SH3KBP1: variants seen among roughly 807,000 people sequenced by gnomAD.
SH3KBP1 encodes SH3 domain containing kinase binding protein 1.
In SH3KBP1, 8 loss-of-function variants were observed where a neutral mutation model predicts 50.1. That is an observed-to-expected ratio of 0.16 (90% confidence interval 0.09 to 0.29). SH3KBP1 has a LOEUF of 0.29. Among genes scored for constraint, SH3KBP1 ranks in the 10% least tolerant of loss-of-function variants. SH3KBP1 has a pLI of 1.00. For missense variants in SH3KBP1, 377 were observed against 535.2 expected (o/e 0.70, Z 2.92); for synonymous variants, 227 against 218.6 (o/e 1.04, Z -0.34).
chrX:19,587,316 C>T (rs1021644275), intron 12 of SH3KBP1, among the ~76,000 whole-genome samples: 4 of 108,939 alleles, frequency 3.7e-5, no homozygotes, highest in Admixed American at 9.8e-5. Flanking sequence ...AGTAGAATGG[C>T]GGCTGCCAGG....
At chrX:19,852,868 A>G (rs906636170) in intron 1 of SH3KBP1, among the ~76,000 whole-genome samples, 52 of 111,573 alleles carry the variant, frequency 4.7e-4, no homozygotes, top group African/African-American at 1.7e-3. Context: ...GCATGATCGG[A>G]GAGAAGTCAG....
At chrX:19,853,780 T>C (rs1473759063) in intron 1 of SH3KBP1, among the ~76,000 whole-genome samples, 1 of 110,588 alleles carries the variant, frequency 9.0e-6, no homozygotes, top group East Asian at 2.9e-4. Context: ...CTGGCCAACA[T>C]AGTGAAATCC....
intron 9 of SH3KBP1, among the ~76,000 whole-genome samples, chrX:19,607,462 C>T (rs1403624977): frequency 2.7e-5 from 3 of 112,018 alleles, no homozygotes; most frequent in Non-Finnish European, 3.8e-5. Context: ...TACTAATATA[C>T]GGATATGTGC....
chrX:19,572,470 CTA>C (rs907898140), intron 12 of SH3KBP1, among the ~76,000 whole-genome samples: 2 of 104,972 alleles, frequency 1.9e-5, no homozygotes, highest in African/African-American at 3.5e-5. Context: ...TACATATATA[CTA>C]TATATAGTAC....
Position 19,879,520 on chromosome X carries a change from C to T in SH3KBP1, c.4+7787G>A, listed in dbSNP as rs1217137062. Reference sequence around the variant, plus strand: ...AATATGTGAGTAGCAGAGGACCCATCGCCTGTCCCCCCACATAAAAGCACA... The same window carrying T: ...AATATGTGAGTAGCAGAGGACCCATTGCCTGTCCCCCCACATAAAAGCACA... On this transcript the variant is annotated intron_variant, in intron 1 of 17. Transcript: ENST00000397821. Among the ~76,000 whole-genome samples the T allele has an allele frequency of 5.4e-5, 6 of 111,582 alleles. No individual in the cohort carries two copies. The East Asian group carries it at 1.1e-3, about 21-fold the overall frequency.
chrX:19,639,293 A>G (rs1359167643), intron 7 of SH3KBP1, among the ~76,000 whole-genome samples: 2 of 111,821 alleles, frequency 1.8e-5, no homozygotes, highest in Non-Finnish European at 3.8e-5. Flanking sequence ...AAATTATTTC[A>G]CAAGTATGAA....
chrX:19,873,191 T>C (rs1375150536), intron 1 of SH3KBP1, among the ~76,000 whole-genome samples: 1 of 105,689 alleles, frequency 9.5e-6, no homozygotes, highest in African/African-American at 3.5e-5. Flanking sequence ...AATAGTTACA[T>C]AAATTAAGAT....
chrX:19,755,300 C>T (rs2065179474), intron 2 of SH3KBP1, among the ~76,000 whole-genome samples: 2 of 111,823 alleles, frequency 1.8e-5, no homozygotes, highest in South Asian at 7.4e-4. Flanking sequence ...ACCCAGGAGG[C>T]GGAGGTTGCA....
chrX:19,572,203 T>C (rs1470723410), intron 12 of SH3KBP1, among the ~76,000 whole-genome samples: 1 of 107,829 alleles, frequency 9.3e-6, no homozygotes, highest in African/African-American at 3.3e-5. Context: ...ATATATATGT[T>C]ATATATAGTA....
intron 5 of SH3KBP1, among the ~76,000 whole-genome samples, chrX:19,689,447 C>T (rs1036688712): frequency 8.9e-6 from 1 of 112,080 alleles, no homozygotes; most frequent in Non-Finnish European, 1.9e-5. Flanking sequence ...ACTAAAACTT[C>T]CATGTGTTCT....
At chrX:19,838,184 T>C (rs1015952280) in intron 1 of SH3KBP1, among the ~76,000 whole-genome samples, 3 of 112,449 alleles carry the variant, frequency 2.7e-5, no homozygotes, top group Non-Finnish European at 5.6e-5. Context: ...TCATTTTGTT[T>C]TAACTTTAAA....
intron 3 of SH3KBP1, among the ~76,000 whole-genome samples, chrX:19,727,716 T>TG (rs2064258828): frequency 8.9e-6 from 1 of 112,664 alleles, no homozygotes. Context: ...CCGGGCGTGG[T>TG]GGCTCATGCC....
chrX:19,699,544 G>A (rs1356958150), intron 4 of SH3KBP1, among the ~76,000 whole-genome samples: 1 of 111,850 alleles, frequency 8.9e-6, no homozygotes, highest in African/African-American at 3.3e-5. Flanking sequence ...CAATTTCACC[G>A]TGCCCCAAGA....
chrX:19,855,036 T>A (rs994365849), intron 1 of SH3KBP1, among the ~76,000 whole-genome samples: 4 of 111,233 alleles, frequency 3.6e-5, no homozygotes, highest in African/African-American at 1.3e-4. Flanking sequence ...AGTGCAGTGG[T>A]GCGATGTCGG....
At chrX:19,669,758 G>A (rs2062736342) in intron 6 of SH3KBP1, among the ~76,000 whole-genome samples, 1 of 111,231 alleles carries the variant, frequency 9.0e-6, no homozygotes, top group South Asian at 3.8e-4. Context: ...AACCCCTAAC[G>A]GCACTCTCCT....
At chrX:19,882,646 T>C (rs2069472102) in intron 1 of SH3KBP1, among the ~76,000 whole-genome samples, 1 of 111,933 alleles carries the variant, frequency 8.9e-6, no homozygotes, top group African/African-American at 3.3e-5. Context: ...CTCCAGGCAC[T>C]AAGTCTGTGG....
At chrX:19,669,833 A>C (rs1301271134) in intron 6 of SH3KBP1, among the ~76,000 whole-genome samples, 1 of 111,264 alleles carries the variant, frequency 9.0e-6, no homozygotes, top group African/African-American at 3.3e-5. Context: ...CCTTTCAAGA[A>C]GTTCCCCTAC....
Position 19,703,744 on chromosome X carries a change from G to GTGTA in SH3KBP1, c.390+3136_390+3137insTACA, listed in dbSNP as rs1435367600. On this transcript the variant is annotated intron_variant, in intron 4 of 17. Coordinates refer to ENST00000397821, the MANE Select transcript of SH3KBP1 (RefSeq NM_031892.3). ...TGTGTGTGTGTGTGTGTGTGTGTGT[G>GTGTA]TGTGTGTGTGTGTGTACAGCTTTGC... Among the ~76,000 whole-genome samples the GTGTA allele has an allele frequency of 1.3e-4, 13 of 100,460 alleles. No homozygotes were observed. In the East Asian group the frequency reaches 1.9e-3, roughly 15 times the overall value. The allele number at this position is 100,460 out of a possible 115,157, so 87.2% of individuals were successfully genotyped here.
intron 9 of SH3KBP1, among the ~76,000 whole-genome samples, chrX:19,602,824 A>G (rs1156437878): frequency 1.8e-5 from 2 of 112,103 alleles, no homozygotes; most frequent in African/African-American, 6.5e-5. Context: ...GAGTTGTCAG[A>G]AGATGGAGGC....
Sources: allele counts gnomAD v4.1 joint callset (sites outside exome capture counted in the v4.1 genomes callset), GRCh38; gene constraint gnomAD v4.1.1; transcripts MANE v1.5; gene names NCBI Gene and HGNC (gene_info 2026-07-23, HGNC 2026-07-21).